Variants in THSD7B observed in about 807,000 individuals in gnomAD.
THSD7B encodes thrombospondin type-1 domain-containing protein 7B.
In THSD7B, 138 loss-of-function variants were observed where a neutral mutation model predicts 213.6. That is an observed-to-expected ratio of 0.65 (90% confidence interval 0.56 to 0.74). THSD7B has a LOEUF of 0.74. THSD7B is among the 30% of genes least tolerant of loss of function. The probability of loss-of-function intolerance (pLI) is 0.00; values close to 1 mark genes in which losing one functional copy is unlikely to be tolerated. For synonymous variants in THSD7B, 742 were observed against 687.0 expected (o/e 1.08, Z -1.25); for missense variants, 1,931 against 1,991.5 (o/e 0.97, Z 0.58).
intron 15 of THSD7B, among the ~76,000 whole-genome samples, chr2:137,522,340 T>G (rs1374686320): frequency 6.6e-6 from 1 of 152,190 alleles, no homozygotes; most frequent in African/African-American, 2.4e-5. Context: ...GTAACATGAG[T>G]GAGTCACTTA....
chr2:136,881,842 A>G (rs1220694285), intron 1 of THSD7B, among the ~76,000 whole-genome samples: 2 of 152,136 alleles, frequency 1.3e-5, no homozygotes, highest in African/African-American at 2.4e-5. Flanking sequence ...ATCACGTTAC[A>G]TTGATCTTTT....
At chr2:137,600,406 T>C in intron 17 of THSD7B, among the ~76,000 whole-genome samples, 1 of 152,332 alleles carries the variant, frequency 6.6e-6, no homozygotes, top group Non-Finnish European at 1.5e-5. Flanking sequence ...TTTTTATCAT[T>C]ATTTTAGTGT....
chr2:137,435,856 G>T (rs182485020), intron 14 of THSD7B, among the ~76,000 whole-genome samples: 1 of 152,144 alleles, frequency 6.6e-6, no homozygotes, highest in East Asian at 1.9e-4. Context: ...CTGTTGTTCA[G>T]GTGACTCTGT....
chr2:137,273,877 A>C (rs1682808631), intron 11 of THSD7B, among the ~76,000 whole-genome samples: 1 of 152,100 alleles, frequency 6.6e-6, no homozygotes, highest in Non-Finnish European at 1.5e-5. Context: ...GCTCTCAAGG[A>C]AAGTATCCAA....
chr2:137,657,863 C>T (rs1451965536), intron 24 of THSD7B, among the ~76,000 whole-genome samples: 2 of 152,272 alleles, frequency 1.3e-5, no homozygotes, highest in Admixed American at 6.5e-5. Flanking sequence ...TGCAGGCACA[C>T]GCCACCACGC....
intron 15 of THSD7B, among the ~76,000 whole-genome samples, chr2:137,453,860 G>A (rs1573634904): frequency 6.6e-6 from 1 of 152,120 alleles, no homozygotes; most frequent in Non-Finnish European, 1.5e-5. Context: ...AAAACATGCA[G>A]TATTTTGCTT....
intron 15 of THSD7B, among the ~76,000 whole-genome samples, chr2:137,506,432 G>C (rs1463797022): frequency 5.3e-5 from 8 of 152,140 alleles, no homozygotes; most frequent in Non-Finnish European, 1.0e-4. Flanking sequence ...AATAAAAACT[G>C]ATTCTAATTC....
chr2:136,985,309 A>G (rs1481326549), intron 2 of THSD7B, among the ~76,000 whole-genome samples: 1 of 152,146 alleles, frequency 6.6e-6, no homozygotes, highest in African/African-American at 2.4e-5. Flanking sequence ...ACAGCCCCAG[A>G]GACCTCGGAG....
In THSD7B at chr2:137,160,388, G is replaced by T; in HGVS notation, c.1525+20G>T. 1.2e-6 allele frequency: 2 copies of T among 1,609,612 alleles called. No individual in the cohort carries two copies. Among genetic ancestry groups the T allele is most frequent in the Non-Finnish European group, 1.7e-6 (2 of 1,177,822 alleles). On this transcript the variant is annotated intron_variant, in intron 6 of 27. Coordinates refer to ENST00000409968, the MANE Select transcript of THSD7B (RefSeq NM_001316349.2). ...AAAAAGGTGAGTGCCTTGTTTGCAT[G>T]CGCTTCATTTGCTGTCAGCGTACAA...
chr2:136,935,367 G>A (rs1343781769), intron 2 of THSD7B, among the ~76,000 whole-genome samples: 4 of 152,010 alleles, frequency 2.6e-5, no homozygotes, highest in Non-Finnish European at 5.9e-5. Flanking sequence ...CTTCATCATG[G>A]TATTGTGGTG....
rs1224467858 is a variant in THSD7B, at chr2:137,384,611, T to C, written c.2501-21002T>C. ...TGGAGGCAGGGTCTGTTCAATCTCC[T>C]GTTTAGAATCTTGAGAAGAGATGCT... On this transcript the variant is annotated intron_variant, in intron 12 of 27. Coordinates refer to ENST00000409968, the MANE Select transcript of THSD7B (RefSeq NM_001316349.2). Among the ~76,000 whole-genome samples the C allele has an allele frequency of 3.9e-5, 6 of 152,174 alleles. No individual in the cohort carries two copies. In the East Asian group the frequency reaches 1.2e-3, roughly 30 times the overall value.
At chr2:137,310,572 C>G (rs1683874801) in intron 12 of THSD7B, among the ~76,000 whole-genome samples, 2 of 151,314 alleles carry the variant, frequency 1.3e-5, no homozygotes, top group South Asian at 4.3e-4. Context: ...GACATGAAGT[C>G]CTTGCCCGTG....
chr2:137,129,309 A>G (rs1173220610), intron 5 of THSD7B, among the ~76,000 whole-genome samples: 1 of 152,114 alleles, frequency 6.6e-6, no homozygotes, highest in African/African-American at 2.4e-5. Flanking sequence ...TAGAGGGGTA[A>G]ACTCTGTACA....
chr2:137,566,942 A>G (rs7576681), intron 16 of THSD7B, among the ~76,000 whole-genome samples: 40,596 of 151,924 alleles, frequency 0.27, 5,525 homozygotes, highest in Middle Eastern at 0.36. Flanking sequence ...AGACCTGAAT[A>G]AGCATGAAGA....
rs549874103 is a variant in THSD7B at position 136,812,404 on chromosome 2, T to C, written c.-36+46717T>C. 1.4e-4 allele frequency among the ~76,000 whole-genome samples: 22 copies of C among 152,358 alleles called. No homozygotes were observed. In the South Asian group the frequency reaches 4.6e-3, roughly 32 times the overall value. ...CTTGCTAATTGACAATAAGATATTGTATTTGGTTCTTTGTAATATAAAAGC... is the reference window on the plus strand; with the variant it reads ...CTTGCTAATTGACAATAAGATATTGCATTTGGTTCTTTGTAATATAAAAGC... On this transcript the variant is annotated intron_variant, in intron 1 of 27. Coordinates refer to ENST00000409968, the MANE Select transcript of THSD7B (RefSeq NM_001316349.2).
intron 1 of THSD7B, among the ~76,000 whole-genome samples, chr2:136,767,417 G>T (rs1681420921): frequency 6.9e-6 from 1 of 144,668 alleles, no homozygotes. Flanking sequence ...ATCTAATCTG[G>T]TAGATTCCCT....
At chr2:137,070,732 T>A (rs568505197) in intron 3 of THSD7B, among the ~76,000 whole-genome samples, 10 of 148,900 alleles carry the variant, frequency 6.7e-5, no homozygotes, top group South Asian at 2.2e-4. Flanking sequence ...CCCACAACAA[T>A]CCCCGGTGTA....
chr2:136,861,846 AG>A (rs1439952497), intron 1 of THSD7B, among the ~76,000 whole-genome samples: 1 of 152,218 alleles, frequency 6.6e-6, no homozygotes, highest in African/African-American at 2.4e-5. Flanking sequence ...GTTCTGGCTC[AG>A]GATCTTTCTT....
chr2:137,259,211 T>TATA (rs1341125715), intron 10 of THSD7B, among the ~76,000 whole-genome samples: 4 of 152,136 alleles, frequency 2.6e-5, no homozygotes, highest in Non-Finnish European at 5.9e-5. Context: ...AGTGATGGGG[T>TATA]TGGTGGGTCA....
Sources: allele counts gnomAD v4.1 joint callset (sites outside exome capture counted in the v4.1 genomes callset), GRCh38; gene constraint gnomAD v4.1.1; transcripts MANE v1.5; gene names NCBI Gene and HGNC (gene_info 2026-07-23, HGNC 2026-07-21).